BHMT: variants seen among roughly 807,000 people sequenced by gnomAD.
The protein encoded by BHMT is betaine--homocysteine S-methyltransferase 1.
Under a neutral mutation model 49.5 loss-of-function variants are expected in BHMT, and 38 were observed. The ratio of observed to expected loss-of-function variants is 0.77; its 90% confidence interval spans 0.59 to 1.01. The LOEUF (loss-of-function observed/expected upper bound fraction) is 1.01, where lower values mean the gene tolerates loss of function less well. BHMT is among the 50% of genes least tolerant of loss of function. BHMT has a pLI of 0.00. For missense variants in BHMT, 426 were observed against 495.7 expected (o/e 0.86, Z 1.34); for synonymous variants, 166 against 176.3 (o/e 0.94, Z 0.46).
At chr5:79,119,612 C>G (rs1313774950) in intron 3 of BHMT, 4 of 352,828 alleles carry the variant, frequency 1.1e-5, no homozygotes, top group African/African-American at 8.4e-5. Context: ...TAATGATTCT[C>G]CCAGTCTCTT....
intron 4 of BHMT, 98 bp downstream of exon 4, chr5:79,120,639 T>G (rs1756453678): frequency 9.3e-7 from 1 of 1,077,724 alleles, no homozygotes; most frequent in African/African-American, 1.6e-5. Flanking sequence ...GTGACAATCA[T>G]AACTAGCAAT....
rs576177329 is a variant in BHMT at position 79,113,873 on chromosome 5, C to T, written c.34-1894C>T. ...TGCATGAGCCACATAGTAATTGAAT[C>T]GCCACTACCCACCCTGCCACCCAGC... On this transcript the variant is annotated intron_variant, in intron 1 of 7. Coordinates refer to ENST00000274353, the MANE Select transcript of BHMT (RefSeq NM_001713.3). Among the ~76,000 whole-genome samples, 39 of 152,126 alleles carry T rather than the reference C, an allele frequency of 2.6e-4. 1 individual carries two copies. In the South Asian group the frequency reaches 7.7e-3, roughly 30 times the overall value.
Position 79,126,183 on chromosome 5 carries a change from G to C in BHMT, c.763G>C (p.Asp255His), listed in dbSNP as rs770183554. The C allele has an allele frequency of 6.2e-7, 1 of 1,613,760 alleles. No individual in the cohort carries two copies. The highest frequency in any genetic ancestry group is 8.5e-7 in the Non-Finnish European group (1 of 1,179,736). The change falls in exon 6 of 8, where the codon GAC (aspartate) becomes CAC (histidine). Residue 255 changes from aspartate (D) to histidine (H), a missense_variant. Transcript: ENST00000274353. Reference protein sequence around the residue: ...MSQPLAYHTPDCNKQGFIDLP... With the variant: ...MSQPLAYHTPHCNKQGFIDLP... ...CCAGCCCTTGGCTTACCACACTCCT[G>C]ACTGCAACAAGCAGGGATTCATCGA...
intron 2 of BHMT, chr5:79,116,553 G>C (rs1247917676): frequency 6.6e-6 from 1 of 152,110 alleles, no homozygotes; most frequent in Non-Finnish European, 1.5e-5. Flanking sequence ...CCTTCATGTT[G>C]GTTCAGGTCA....
Position 79,117,000 on chromosome 5 carries a change from C to T in BHMT, c.166+1101C>T, listed in dbSNP as rs148876964. 2.6e-3 allele frequency among the ~76,000 whole-genome samples: 394 copies of T among 152,256 alleles called. 2 individuals are homozygous for T. The highest frequency in any genetic ancestry group is 9.0e-3 in the African/African-American group (374 of 41,552). ...AGCAGCTTTAATTCAGCAATGAATT[C>T]AGGTTATCGGGGTCTGGAAGAGTTT... On this transcript the variant is annotated intron_variant, in intron 2 of 7. Coordinates refer to ENST00000274353, the MANE Select transcript of BHMT (RefSeq NM_001713.3).
At chr5:79,125,515 A>G (rs13160271) in intron 5 of BHMT, among the ~76,000 whole-genome samples, 24 of 151,960 alleles carry the variant, frequency 1.6e-4, no homozygotes, top group South Asian at 8.3e-4. Context: ...TTACACTTCA[A>G]TTATACCAGA....
chr5:79,129,216 T>C (rs1756599447), intron 7 of BHMT, among the ~76,000 whole-genome samples: 1 of 152,204 alleles, frequency 6.6e-6, no homozygotes, highest in South Asian at 2.1e-4. Context: ...GGCAGAACGA[T>C]AAGCAGGTAA....
At chr5:79,130,622 T>TA (rs1470840073) in intron 7 of BHMT, among the ~76,000 whole-genome samples, 2 of 151,110 alleles carry the variant, frequency 1.3e-5, no homozygotes, top group Non-Finnish European at 2.9e-5. Context: ...GAGCACATGA[T>TA]TTTTTCACTG....
At chr5:79,111,941 G>A in intron 1 of BHMT, 23 bp downstream of exon 1, 1 of 1,577,928 alleles carries the variant, frequency 6.3e-7, no homozygotes, top group Non-Finnish European at 8.6e-7. Flanking sequence ...GGGACCCGAG[G>A]GCGCTCTCCT....
chr5:79,115,365 T>C (rs1222800089), intron 1 of BHMT, among the ~76,000 whole-genome samples: 1 of 136,560 alleles, frequency 7.3e-6, no homozygotes, highest in Non-Finnish European at 1.7e-5. Flanking sequence ...TTTAACCCTC[T>C]CTTTAGTTTG....
At chr5:79,128,926 G>A (rs182302713) in intron 7 of BHMT, among the ~76,000 whole-genome samples, 6 of 152,324 alleles carry the variant, frequency 3.9e-5, no homozygotes, top group East Asian at 3.9e-4. Context: ...TACTGTGGTA[G>A]CTGCTTTAGT....
intron 7 of BHMT, among the ~76,000 whole-genome samples, chr5:79,130,386 C>G (rs1291402754): frequency 6.6e-6 from 1 of 152,190 alleles, no homozygotes; most frequent in African/African-American, 2.4e-5. Flanking sequence ...GCAGATGCCT[C>G]TGGAGGAAAC....
At chr5:79,124,462 C>CAA (rs56304507) in intron 5 of BHMT, among the ~76,000 whole-genome samples, 145 of 139,726 alleles carry the variant, frequency 1.0e-3, no homozygotes, top group African/African-American at 3.8e-3. Flanking sequence ...TTTTAAAATG[C>CAA]AAAAAAAAAA....
intron 7 of BHMT, 40 bp downstream of exon 7, chr5:79,128,023 G>A: frequency 3.8e-6 from 6 of 1,566,926 alleles, no homozygotes; most frequent in Non-Finnish European, 5.2e-6. Flanking sequence ...TTTAGATTAT[G>A]AATATGTTCA....
At chr5:79,119,747 C>G (rs1756439586) in intron 3 of BHMT, 1 of 186,630 alleles carries the variant, frequency 5.4e-6, no homozygotes, top group South Asian at 1.2e-4. Flanking sequence ...TAGTGCCTGA[C>G]TCAAGCATGT....
Position 79,120,688 on chromosome 5 carries a change from G to A in BHMT, c.477+147G>A, listed in dbSNP as rs1756454262. ...TTTTGAAATCGTTTTCCAATTCAGG[G>A]CTACTACTAAATTTGATTTAATTAA... On this transcript the variant is annotated intron_variant, in intron 4 of 7. Transcript: ENST00000274353. 3.9e-6 allele frequency: 3 copies of A among 761,778 alleles called. No homozygotes were observed. The Admixed American group carries it at 1.1e-4, about 28-fold the overall frequency. 47.2% of individuals were successfully genotyped at this position (761,778 alleles called of 1,614,324 possible).
In BHMT at chr5:79,111,930, G is replaced by T; in HGVS notation, c.33+12G>T. 1 of 1,591,170 alleles carries T rather than the reference G, an allele frequency of 6.3e-7. No homozygotes were observed. The highest frequency in any genetic ancestry group is 8.6e-7 in the Non-Finnish European group (1 of 1,169,092). The stretch of plus-strand genomic sequence containing the variant: ...AAAAGGCCAAGAAGGTGAGTCTCCA[G>T]GGGACCCGAGGGCGCTCTCCTTCCC... On this transcript the variant is annotated intron_variant, in intron 1 of 7. Transcript: ENST00000274353.
intron 5 of BHMT, among the ~76,000 whole-genome samples, chr5:79,122,293 T>C (rs1044541910): frequency 6.6e-6 from 1 of 152,168 alleles, no homozygotes; most frequent in Non-Finnish European, 1.5e-5. Flanking sequence ...TATGTTCACA[T>C]ATATTCCTAG....
At chr5:79,128,181 T>G (rs1372134514) in intron 7 of BHMT, 198 bp downstream of exon 7, 26 of 774,150 alleles carry the variant, frequency 3.4e-5, no homozygotes, top group African/African-American at 5.3e-5. Context: ...GTATTTGACC[T>G]GATTTTGGAT....
Sources: allele counts gnomAD v4.1 joint callset (sites outside exome capture counted in the v4.1 genomes callset), GRCh38; gene constraint gnomAD v4.1.1; transcripts MANE v1.5; gene names NCBI Gene and HGNC (gene_info 2026-07-23, HGNC 2026-07-21).